The following UBE2Z variants were observed in gnomAD, a reference collection of about 807,000 sequenced individuals.
The protein encoded by UBE2Z is ubiquitin conjugating enzyme E2 Z.
UBE2Z carries 10 observed loss-of-function variants against 32.6 expected under a neutral mutation model. That is an observed-to-expected ratio of 0.31 (90% CI 0.19 to 0.52). The LOEUF (loss-of-function observed/expected upper bound fraction) is 0.52, where lower values mean the gene tolerates loss of function less well. Among genes scored for constraint, UBE2Z ranks in the 20% least tolerant of loss-of-function variants. The pLI is 0.97. For missense variants in UBE2Z, 343 were observed against 480.9 expected (o/e 0.71, Z 2.68); for synonymous variants, 183 against 190.8 (o/e 0.96, Z 0.34).
rs76789851 is a variant in UBE2Z at position 48,922,146 on chromosome 17, T to C, written c.804-701T>C. Among the ~76,000 whole-genome samples, 138 of 152,246 alleles carry C rather than the reference T, an allele frequency of 9.1e-4. 2 individuals are homozygous for C. In the East Asian group the frequency reaches 0.023, roughly 25 times the overall value. ...AAAAGGAACTGTAATCCCAGCACTT[T>C]GGGAGGCCAAGGAAGGCAGATCACC... On this transcript the variant is annotated intron_variant, in intron 5 of 6. Coordinates refer to ENST00000360943, the MANE Select transcript of UBE2Z (RefSeq NM_023079.5).
At chr17:48,911,328 A>C (rs1028346966) in intron 2 of UBE2Z, 5 of 168,522 alleles carry the variant, frequency 3.0e-5, no homozygotes, top group African/African-American at 1.2e-4. Flanking sequence ...GTTTGTGGTT[A>C]AAGGACTTTG....
chr17:48,910,403 C>A, intron 1 of UBE2Z: 1 of 190,470 alleles, frequency 5.3e-6, no homozygotes, highest in South Asian at 1.1e-4. Context: ...GTTGATGATG[C>A]CTTTCCAGTT....
Position 48,928,877 on chromosome 17 carries a change from G to C in UBE2Z, c.*1743G>C, listed in dbSNP as rs935316196. 2 of 152,672 alleles carry C rather than the reference G, an allele frequency of 1.3e-5. No homozygotes were observed. The highest frequency in any genetic ancestry group is 4.8e-5 in the African/African-American group (2 of 41,450). The allele number at this position is 152,672 out of a possible 1,614,324, so 9.5% of individuals were successfully genotyped here. ...CTTTCAAGTGACAATCCTCTCCTTG[G>C]CCCTGCCATAGGGCAGAGCATGTCT... On this transcript the variant is annotated 3_prime_UTR_variant, in exon 7 of 7. Coordinates refer to ENST00000360943, the MANE Select transcript of UBE2Z (RefSeq NM_023079.5).
intron 3 of UBE2Z, 81 bp from the exon 4 acceptor site, chr17:48,915,995 T>C (rs371843577): frequency 1.1e-5 from 9 of 804,582 alleles, no homozygotes; most frequent in Admixed American, 9.4e-5. Context: ...GAGTCACTTA[T>C]GGTGGTGTTG....
At chr17:48,912,069 T>C in intron 2 of UBE2Z, 1 of 151,712 alleles carries the variant, frequency 6.6e-6, no homozygotes, top group East Asian at 1.9e-4. Context: ...TTTTTTTTTT[T>C]TTTTTTTAAA....
At chr17:48,909,840 G>A (rs1406479804) in intron 1 of UBE2Z, among the ~76,000 whole-genome samples, 4 of 152,026 alleles carry the variant, frequency 2.6e-5, no homozygotes, top group African/African-American at 9.7e-5. Flanking sequence ...CCTTTCAGAT[G>A]TCTCTGTGTC....
intron 4 of UBE2Z, among the ~76,000 whole-genome samples, chr17:48,920,614 C>T (rs923685609): frequency 5.3e-5 from 8 of 152,100 alleles, no homozygotes; most frequent in Admixed American, 5.2e-4. Context: ...TTGAGGATTG[C>T]TGGAGCCCAG....
intron 4 of UBE2Z, among the ~76,000 whole-genome samples, chr17:48,919,900 C>T (rs1217150163): frequency 1.3e-5 from 2 of 152,122 alleles, no homozygotes; most frequent in Non-Finnish European, 2.9e-5. Context: ...TACACTGAGA[C>T]TCTTCACTTC....
chr17:48,913,663 T>C (rs2040697844), intron 3 of UBE2Z, among the ~76,000 whole-genome samples: 1 of 152,020 alleles, frequency 6.6e-6, no homozygotes, highest in African/African-American at 2.4e-5. Context: ...CAGAAATCTG[T>C]TTTTTACAAG....
rs1294021119 is a variant in UBE2Z at position 48,927,854 on chromosome 17, C to G, written c.*720C>G. 6.6e-6 allele frequency: 1 copy of G among 152,558 alleles called. No individual in the cohort carries two copies. The highest frequency in any genetic ancestry group is 1.5e-5 in the Non-Finnish European group (1 of 68,060). 9.5% of individuals were successfully genotyped at this position (152,558 alleles called of 1,614,324 possible). On this transcript the variant is annotated 3_prime_UTR_variant, in exon 7 of 7. Coordinates refer to ENST00000360943, the MANE Select transcript of UBE2Z (RefSeq NM_023079.5). ...AAAGTAAATGTGACTGGGACTTAAC[C>G]AAGGTCTTGGTAAAGCCTGCATGGC...
intron 6 of UBE2Z, among the ~76,000 whole-genome samples, chr17:48,923,493 G>A (rs959796355): frequency 1.3e-5 from 2 of 151,762 alleles, no homozygotes; most frequent in Non-Finnish European, 2.9e-5. Flanking sequence ...TTGGCTCAGC[G>A]TGGTAGCATG....
intron 5 of UBE2Z, 138 bp downstream of exon 5, chr17:48,921,410 T>A: frequency 4.4e-6 from 3 of 683,588 alleles, no homozygotes; most frequent in Non-Finnish European, 7.4e-6. Context: ...AAAGAACAAG[T>A]GGCTGAGGGT....
In UBE2Z at chr17:48,926,951, C is replaced by T; in HGVS notation, c.895-13C>T. Reference sequence around the variant, plus strand: ...ACTTGAATCTTCCATCCCCTTGTCTCCTTTCCCCACAGGACCCTTTTGGAG... The same window carrying T: ...ACTTGAATCTTCCATCCCCTTGTCTTCTTTCCCCACAGGACCCTTTTGGAG... On this transcript the variant is annotated splice_polypyrimidine_tract_variant and intron_variant, in intron 6 of 6. Coordinates refer to ENST00000360943, the MANE Select transcript of UBE2Z (RefSeq NM_023079.5). 1 of 1,609,542 alleles carries T rather than the reference C, an allele frequency of 6.2e-7. No homozygotes were observed. Among genetic ancestry groups the T allele is most frequent in the Non-Finnish European group, 8.5e-7 (1 of 1,177,788 alleles).
At position 48,922,954 on chromosome 17, in the gene UBE2Z, T is replaced by A. The variant is rs1328378025; in HGVS notation, c.894+17T>A. On this transcript the variant is annotated intron_variant, in intron 6 of 6. Transcript: ENST00000360943. Reference sequence around the variant, plus strand: ...ACTATGCAGGTAATACAACCCCTGCTGCTAATTGCAGAAGCCCTACAGCTG... The same window carrying A: ...ACTATGCAGGTAATACAACCCCTGCAGCTAATTGCAGAAGCCCTACAGCTG... 1 of 1,600,340 alleles carries A rather than the reference T, an allele frequency of 6.2e-7. No individual in the cohort carries two copies. Among genetic ancestry groups the A allele is most frequent in the Non-Finnish European group, 8.5e-7 (1 of 1,171,604 alleles).
intron 3 of UBE2Z, among the ~76,000 whole-genome samples, chr17:48,914,225 A>G (rs1344597554): frequency 6.6e-6 from 1 of 152,140 alleles, no homozygotes; most frequent in East Asian, 1.9e-4. Context: ...TGGTGTTTTT[A>G]TAGTGGTCTG....
rs2040804809 is a variant in UBE2Z at position 48,927,304 on chromosome 17, C to G, written c.*170C>G. 3.0e-6 allele frequency: 2 copies of G among 675,782 alleles called. No individual in the cohort carries two copies. Among genetic ancestry groups the G allele is most frequent in the South Asian group, 2.0e-5 (1 of 51,188 alleles). 41.9% of individuals were successfully genotyped at this position (675,782 alleles called of 1,614,324 possible). ...CAGGGTGTGGGAGTGGGGGCCTGTT[C>G]CCGGTCTGACCTCCTTGGCACTGGA... is the stretch of plus-strand genomic sequence containing the variant. On this transcript the variant is annotated 3_prime_UTR_variant, in exon 7 of 7. Coordinates refer to ENST00000360943, the MANE Select transcript of UBE2Z (RefSeq NM_023079.5).
chr17:48,910,603 T>G, intron 1 of UBE2Z: 1 of 462,378 alleles, frequency 2.2e-6, no homozygotes, highest in Non-Finnish European at 3.9e-6. Context: ...ACAATGCCCT[T>G]TTGATAATAA....
intron 4 of UBE2Z, among the ~76,000 whole-genome samples, chr17:48,919,404 G>C (rs1002661472): frequency 1.3e-5 from 2 of 152,184 alleles, no homozygotes; most frequent in Non-Finnish European, 1.5e-5. Context: ...ACACCATAGT[G>C]AGACCCTGTT....
rs999576691 is a variant in UBE2Z at position 48,928,449 on chromosome 17, C to G, written c.*1315C>G. ...ACTTCCAGATTTATTGTTATGGCTC[C>G]CAGTGGGTATTGGCGATTCTTGTGA... On this transcript the variant is annotated 3_prime_UTR_variant, in exon 7 of 7. Coordinates refer to ENST00000360943, the MANE Select transcript of UBE2Z (RefSeq NM_023079.5). 3.3e-5 allele frequency: 5 copies of G among 152,654 alleles called. No individual in the cohort carries two copies. Among genetic ancestry groups the G allele is most frequent in the African/African-American group, 1.2e-4 (5 of 41,426 alleles). 9.5% of individuals were successfully genotyped at this position (152,654 alleles called of 1,614,324 possible).
Sources: allele counts gnomAD v4.1 joint callset (sites outside exome capture counted in the v4.1 genomes callset), GRCh38; gene constraint gnomAD v4.1.1; transcripts MANE v1.5; gene names NCBI Gene and HGNC (gene_info 2026-07-23, HGNC 2026-07-21).